The following PWP1 variants were observed in gnomAD, a reference collection of about 807,000 sequenced individuals.
PWP1 encodes periodic tryptophan protein 1 homolog.
A neutral mutation model predicts 69.9 loss-of-function variants in PWP1; 47 were observed. That is an observed-to-expected ratio of 0.67 (90% CI 0.53 to 0.86). The LOEUF is 0.86. PWP1 is among the 40% of genes least tolerant of loss of function. PWP1 has a pLI of 0.00. For synonymous variants in PWP1, 222 were observed against 208.2 expected (o/e 1.07, Z -0.57); for missense variants, 551 against 608.8 (o/e 0.91, Z 1.00).
In PWP1 at chr12:107,709,054, TATG is replaced by T. The variant is rs2136288507; in HGVS notation, c.1168+43_1168+45del. The T allele has an allele frequency of 1.9e-6, 3 of 1,613,596 alleles. No homozygotes were observed. The Admixed American group carries it at 5.0e-5, about 27-fold the overall frequency. On this transcript the variant is annotated intron_variant, in intron 12 of 14. Transcript: ENST00000412830. ...AATGCTTCTTTCATTTTTCTTAACT[TATG>T]ATGAAGTAAATCTGTATTTCAAAGC...
intron 8 of PWP1, among the ~76,000 whole-genome samples, chr12:107,700,871 A>G (rs1462929182): frequency 1.3e-5 from 2 of 151,476 alleles, no homozygotes; most frequent in Non-Finnish European, 2.9e-5. Context: ...ATGAAGTGGT[A>G]TATCATTGCG....
Position 107,712,201 on chromosome 12 carries a change from A to T in PWP1, c.1487A>T (p.Asp496Val). 6.2e-7 allele frequency: 1 copy of T among 1,613,250 alleles called. No homozygotes were observed. The highest frequency in any genetic ancestry group is 1.1e-5 in the South Asian group (1 of 91,078). The change falls in exon 15 of 15, where the codon GAT becomes GTT. Residue 496 changes from aspartate (D) to valine (V), a missense_variant. Transcript: ENST00000412830. ...GGCCCTTTTGGCAGCAGGAGCTCAGATACACCCATGGAGTCTTAATGAAGA... is the reference window on the plus strand; with the variant it reads ...GGCCCTTTTGGCAGCAGGAGCTCAGTTACACCCATGGAGTCTTAATGAAGA... Reference protein sequence around the residue: ...ISGPFGSRSSDTPMES With the variant: ...ISGPFGSRSSVTPMES
At chr12:107,697,094 C>T (rs1277745203) in intron 6 of PWP1, among the ~76,000 whole-genome samples, 4 of 152,142 alleles carry the variant, frequency 2.6e-5, no homozygotes, top group Non-Finnish European at 4.4e-5. Flanking sequence ...TGTTTGCACA[C>T]CTTGTTCACA....
At chr12:107,703,160 T>A in intron 9 of PWP1, 129 bp downstream of exon 9, 1 of 683,714 alleles carries the variant, frequency 1.5e-6, no homozygotes, top group Non-Finnish European at 2.5e-6. Context: ...TTTCACATGT[T>A]ATCTCTTAGG....
intron 10 of PWP1, 54 bp downstream of exon 10, chr12:107,703,800 A>G (rs1889761199): frequency 3.3e-6 from 5 of 1,501,040 alleles, no homozygotes; most frequent in Non-Finnish European, 3.7e-6. Context: ...TCTAGAAGTC[A>G]TTTTAAGAGT....
intron 5 of PWP1, among the ~76,000 whole-genome samples, chr12:107,695,231 A>G (rs1353060524): frequency 6.6e-6 from 1 of 151,696 alleles, no homozygotes; most frequent in Non-Finnish European, 1.5e-5. Flanking sequence ...GTGTCACTGC[A>G]CTCCAGCCTG....
intron 8 of PWP1, 115 bp downstream of exon 8, chr12:107,699,549 C>A: frequency 1.2e-6 from 1 of 816,800 alleles, no homozygotes; most frequent in Non-Finnish European, 1.9e-6. Context: ...ATCTTCCTTT[C>A]TTGTAGGATG....
intron 5 of PWP1, among the ~76,000 whole-genome samples, chr12:107,696,194 A>G (rs1325298816): frequency 1.3e-5 from 2 of 151,598 alleles, no homozygotes; most frequent in Non-Finnish European, 2.9e-5. Flanking sequence ...CACCACACCC[A>G]GCTAATTTTT....
intron 14 of PWP1, among the ~76,000 whole-genome samples, chr12:107,711,853 T>G (rs1015048599): frequency 2.6e-5 from 4 of 152,120 alleles, no homozygotes; most frequent in Non-Finnish European, 5.9e-5. Context: ...GAGGGTCACT[T>G]ATAAGGAATG....
chr12:107,688,935 G>C, intron 3 of PWP1, 133 bp downstream of exon 3: 2 of 908,404 alleles, frequency 2.2e-6, no homozygotes, highest in Non-Finnish European at 3.3e-6. Flanking sequence ...GAAGACTTGG[G>C]CAGACAGCAT....
chr12:107,703,566 C>T (rs1027447970), intron 9 of PWP1, 119 bp from the exon 10 acceptor site: 1 of 840,072 alleles, frequency 1.2e-6, no homozygotes, highest in Non-Finnish European at 2.0e-6. Context: ...CTTTTGTTTA[C>T]TGTATTTCAG....
intron 13 of PWP1, among the ~76,000 whole-genome samples, chr12:107,709,535 T>C (rs199535739): frequency 6.7e-6 from 1 of 149,392 alleles, no homozygotes; most frequent in East Asian, 2.0e-4. Flanking sequence ...TTTAAAACCC[T>C]GAAATCAAGA....
chr12:107,700,287 C>T (rs1273538587), intron 8 of PWP1, among the ~76,000 whole-genome samples: 1 of 152,156 alleles, frequency 6.6e-6, no homozygotes, highest in African/African-American at 2.4e-5. Context: ...CACCACAATG[C>T]ATCTCCAGAA....
rs201740995 is a variant in PWP1 at position 107,703,042 on chromosome 12, T to A, written c.903+11T>A. The stretch of plus-strand genomic sequence containing the variant: ...GTACACACAGACAAGGTATGGTGAT[T>A]TAGTTGATCACAGCGGTTCTTAAAA... On this transcript the variant is annotated intron_variant, in intron 9 of 14. Coordinates refer to ENST00000412830, the MANE Select transcript of PWP1 (RefSeq NM_007062.3). 122 of 1,562,206 alleles carry A rather than the reference T, an allele frequency of 7.8e-5. 2 individuals are homozygous for A. The South Asian group carries it at 1.3e-3, about 17-fold the overall frequency.
chr12:107,701,418 T>C (rs74340456), intron 8 of PWP1, among the ~76,000 whole-genome samples: 2,614 of 152,350 alleles, frequency 0.017, 48 homozygotes, highest in Non-Finnish European at 0.029. Flanking sequence ...TTCTTGGTGC[T>C]ATCATTTGCA....
rs186668215 is a variant in PWP1 at position 107,695,038 on chromosome 12, G to A, written c.503-1436G>A. Reference sequence around the variant, plus strand: ...TGGGAGGCCAAGGCGGGCGGATCACGAGTTCAGGAGATCGAGACCATCCTG... The same window carrying A: ...TGGGAGGCCAAGGCGGGCGGATCACAAGTTCAGGAGATCGAGACCATCCTG... On this transcript the variant is annotated intron_variant, in intron 5 of 14. Coordinates refer to ENST00000412830, the MANE Select transcript of PWP1 (RefSeq NM_007062.3). 2.6e-5 allele frequency among the ~76,000 whole-genome samples: 4 copies of A among 151,230 alleles called. No individual in the cohort carries two copies. The East Asian group carries it at 5.8e-4, about 22-fold the overall frequency.
intron 12 of PWP1, 32 bp from the exon 13 acceptor site, chr12:107,709,079 A>T: frequency 1.2e-6 from 2 of 1,613,738 alleles, no homozygotes; most frequent in Non-Finnish European, 1.7e-6. Context: ...CTGTATTTCA[A>T]AGCGAAAGTG....
intron 12 of PWP1, 30 bp downstream of exon 12, chr12:107,709,046 TCTTAA>T (rs763315145): frequency 8.4e-5 from 135 of 1,613,452 alleles, no homozygotes; most frequent in Admixed American, 2.7e-4. Flanking sequence ...CTTTCATTTT[TCTTAA>T]CTTATGATGA....
rs113344620 is a variant in PWP1 at position 107,688,797 on chromosome 12, A to G, written c.314A>G (p.Asp105Gly). Residue 105 changes from aspartate to glycine, a missense_variant, in exon 3 of 15, where the codon GAC becomes GGC. By Grantham distance (94) the Asp-to-Gly change is moderately conservative. Transcript: ENST00000412830. Reference sequence around the variant, plus strand: ...TTAGATAAATATGATGAGGAAGGTGACCCAGGTTAGTTTATCCACTTCTGA... The same window carrying G: ...TTAGATAAATATGATGAGGAAGGTGGCCCAGGTTAGTTTATCCACTTCTGA... ...YDLDKYDEEG[D>G]PDAETLGESL... 8.8e-4 allele frequency: 1,427 copies of G among 1,613,360 alleles called. 10 individuals carry two copies. The African/African-American group carries it at 0.014, about 16-fold the overall frequency.
Sources: allele counts gnomAD v4.1 joint callset (sites outside exome capture counted in the v4.1 genomes callset), GRCh38; gene constraint gnomAD v4.1.1; transcripts MANE v1.5; gene names NCBI Gene and HGNC (gene_info 2026-07-23, HGNC 2026-07-21).